Variants in PARVB observed in about 807,000 individuals in gnomAD.
The protein encoded by PARVB is beta-parvin.
Under a neutral mutation model 47.0 loss-of-function variants are expected in PARVB, and 46 were observed. The observed-to-expected ratio is 0.98, with a 90% confidence interval of 0.77 to 1.25. PARVB has a LOEUF of 1.25. Among genes scored for constraint, PARVB ranks in the 50% most tolerant of loss-of-function variants. The pLI is 0.00. For missense variants in PARVB, 473 were observed against 471.6 expected (o/e 1.00, Z -0.03); for synonymous variants, 196 against 196.3 (o/e 1.00, Z 0.01).
intron 1 of PARVB, among the ~76,000 whole-genome samples, chr22:44,074,212 G>T (rs923690685): frequency 6.6e-6 from 1 of 152,214 alleles, no homozygotes; most frequent in African/African-American, 2.4e-5. Context: ...AGAGACGGGG[G>T]CATGGGCAGA....
At chr22:44,167,403 G>A (rs987070731) in intron 12 of PARVB, among the ~76,000 whole-genome samples, 2 of 152,152 alleles carry the variant, frequency 1.3e-5, no homozygotes, top group African/African-American at 2.4e-5. Context: ...TTTGTCCAGC[G>A]AGGCTGTCTG....
At chr22:44,003,791 G>A (rs1438135829) in intron 2 of PARVB, among the ~76,000 whole-genome samples, 5 of 152,192 alleles carry the variant, frequency 3.3e-5, no homozygotes, top group African/African-American at 1.2e-4. Flanking sequence ...GCAGGGTGTT[G>A]TACAGGTGGC....
rs184961929 is a variant in PARVB, at chr22:44,053,304, G to A, written c.112+28853G>A. Among the ~76,000 whole-genome samples the A allele has an allele frequency of 1.2e-3, 181 of 152,082 alleles. 1 individual carries two copies. Among genetic ancestry groups the A allele is most frequent in the African/African-American group, 4.1e-3 (171 of 41,464 alleles). The stretch of plus-strand genomic sequence containing the variant: ...TCACCATGTTGGCCAGGATGGTCTC[G>A]AACTCCTGCCCTCATGATCCGCCCT... On this transcript the variant is annotated intron_variant, in intron 1 of 12. Coordinates refer to ENST00000338758, the MANE Select transcript of PARVB (RefSeq NM_013327.5).
intron 4 of PARVB, among the ~76,000 whole-genome samples, chr22:44,131,090 TTCTC>T (rs951606319): frequency 2.4e-4 from 31 of 128,306 alleles, no homozygotes; most frequent in African/African-American, 8.1e-4. Context: ...TTTTTCTTTC[TTCTC>T]TCTCTCTCTC....
chr22:44,116,039 A>G (rs969537072), intron 3 of PARVB: 1 of 152,448 alleles, frequency 6.6e-6, no homozygotes, highest in South Asian at 2.1e-4. Flanking sequence ...AGATATCCTC[A>G]GTGTCACCTG....
At chr22:44,158,647 C>T (rs1227967467) in intron 11 of PARVB, among the ~76,000 whole-genome samples, 1 of 152,178 alleles carries the variant, frequency 6.6e-6, no homozygotes, top group African/African-American at 2.4e-5. Flanking sequence ...TGGGGCATTC[C>T]TTTCAATCTG....
At chr22:44,057,823 T>A (rs2051343238) in intron 1 of PARVB, among the ~76,000 whole-genome samples, 1 of 151,786 alleles carries the variant, frequency 6.6e-6, no homozygotes, top group African/African-American at 2.4e-5. Context: ...GGAAGCCCTG[T>A]GGGTTCATGC....
intron 9 of PARVB, chr22:44,149,785 T>G (rs1286851407): frequency 6.8e-6 from 1 of 146,118 alleles, no homozygotes; most frequent in African/African-American, 2.5e-5. Context: ...CTCTCTGTGT[T>G]TGTGTCCTTA....
intron 1 of PARVB, among the ~76,000 whole-genome samples, chr22:44,046,153 T>G (rs2051107966): frequency 6.6e-6 from 1 of 152,240 alleles, no homozygotes; most frequent in Admixed American, 6.5e-5. Flanking sequence ...TATCCCTGGG[T>G]GGCTTATGCT....
chr22:44,066,113 T>C (rs993126747), intron 1 of PARVB, among the ~76,000 whole-genome samples: 1 of 152,186 alleles, frequency 6.6e-6, no homozygotes, highest in Non-Finnish European at 1.5e-5. Flanking sequence ...CAAACATCTA[T>C]TGAGCGCCTA....
At chr22:44,031,824 T>C (rs996032326) in intron 1 of PARVB, among the ~76,000 whole-genome samples, 2 of 152,174 alleles carry the variant, frequency 1.3e-5, no homozygotes, top group Admixed American at 1.3e-4. Flanking sequence ...AAGTGCTCCG[T>C]TGGATTGATT....
At chr22:44,166,565 G>A (rs2267624) in intron 12 of PARVB, among the ~76,000 whole-genome samples, 14,430 of 152,294 alleles carry the variant, frequency 0.095, 784 homozygotes, top group East Asian at 0.21. Flanking sequence ...CACCACGGAC[G>A]TGTGGAAACC....
chr22:44,099,852 T>C (rs1476259205), intron 2 of PARVB, among the ~76,000 whole-genome samples: 1 of 152,162 alleles, frequency 6.6e-6, no homozygotes, highest in East Asian at 1.9e-4. Context: ...ATGATGAGTT[T>C]GACTTCATCC....
intron 6 of PARVB, among the ~76,000 whole-genome samples, chr22:44,134,698 C>T (rs1161342477): frequency 6.6e-6 from 1 of 152,110 alleles, no homozygotes; most frequent in Non-Finnish European, 1.5e-5. Flanking sequence ...TCAGGGGACC[C>T]CTTATCTAAC....
chr22:44,065,337 T>G (rs1326819187), intron 1 of PARVB, among the ~76,000 whole-genome samples: 1 of 152,116 alleles, frequency 6.6e-6, no homozygotes, highest in Non-Finnish European at 1.5e-5. Flanking sequence ...ATTTTCTGTT[T>G]TTTTAGAGGC....
At chr22:44,078,763 C>T (rs1601569047) in intron 1 of PARVB, among the ~76,000 whole-genome samples, 1 of 152,142 alleles carries the variant, frequency 6.6e-6, no homozygotes, top group Non-Finnish European at 1.5e-5. Flanking sequence ...CTCACTCTGT[C>T]GCCCAGGCTG....
chr22:44,106,718 G>A (rs561135458), intron 3 of PARVB: 6 of 151,806 alleles, frequency 4.0e-5, no homozygotes, highest in African/African-American at 1.2e-4. Context: ...TGCTTGTCCT[G>A]TCTCCCCTAG....
intron 1 of PARVB, among the ~76,000 whole-genome samples, chr22:44,054,489 T>A (rs1248410302): frequency 3.3e-5 from 5 of 151,862 alleles, no homozygotes; most frequent in African/African-American, 1.2e-4. Context: ...GTGCTCAGAT[T>A]ACAGCATGAG....
Position 44,155,105 on chromosome 22 carries a change from C to T in PARVB, c.844-2877C>T, listed in dbSNP as rs1367288857. ...TGTGTGTGGTGTAGGTGTGTGTTTT[C>T]CCTCCTTTTCCAAACCATTCTTACA... On this transcript the variant is annotated intron_variant, in intron 10 of 12. Coordinates refer to ENST00000338758, the MANE Select transcript of PARVB (RefSeq NM_013327.5). This position sits in a 1 kb window ranked among gnomAD's most constrained non-coding sequence, Gnocchi z 4.8. Among the ~76,000 whole-genome samples the T allele has an allele frequency of 1.3e-5, 2 of 151,668 alleles. No homozygotes were observed. The highest frequency in any genetic ancestry group is 4.8e-5 in the African/African-American group (2 of 41,242).
Sources: gnomAD v4.1 joint callset for allele counts (sites outside exome capture counted in the v4.1 genomes callset) on GRCh38, gnomAD v4.1.1 for gene constraint, Gnocchi (gnomAD v3.1) non-coding constraint, MANE v1.5 for transcripts, NCBI Gene and HGNC (gene_info 2026-07-23, HGNC 2026-07-21) for gene names.